Variants in OSTN observed in about 807,000 individuals in gnomAD.
OSTN encodes osteocrin.
In OSTN, 9 loss-of-function variants were observed where a neutral mutation model predicts 12.0. The observed-to-expected ratio is 0.75, with a 90% CI of 0.45 to 1.30. The LOEUF is 1.30. Among genes scored for constraint, OSTN ranks in the 50% most tolerant of loss-of-function variants. OSTN has a pLI of 0.00. For synonymous variants in OSTN, 59 were observed against 56.9 expected, an observed-to-expected ratio of 1.04 and a Z score of -0.16; for missense variants, 148 against 152.3, an observed-to-expected ratio of 0.97 and a Z score of 0.15.
intron 4 of OSTN, among the ~76,000 whole-genome samples, chr3:191,257,680 C>A (rs1470167921): frequency 6.6e-6 from 1 of 152,138 alleles, no homozygotes; most frequent in African/African-American, 2.4e-5. Context: ...TGGCCATAAA[C>A]CTGCCTGATC....
chr3:191,240,461 G>A (rs1715292411), intron 3 of OSTN, among the ~76,000 whole-genome samples: 1 of 152,144 alleles, frequency 6.6e-6, no homozygotes, highest in African/African-American at 2.4e-5. Context: ...ATTGGGTGTG[G>A]TCTCTTCTCT....
Position 191,257,659 on chromosome 3 carries a change from CA to C in OSTN, c.*13-5205del, listed in dbSNP as rs1408551284. On this transcript the variant is annotated intron_variant, in intron 4 of 4. Coordinates refer to ENST00000682035, the MANE Select transcript of OSTN (RefSeq NM_198184.2). ...TTAATCAAGTATCAAAAATATCAAG[CA>C]ACAATTTTTTGGCCATAAACCTGCC... Among the ~76,000 whole-genome samples the C allele has an allele frequency of 3.3e-5, 5 of 152,240 alleles. No individual in the cohort carries two copies. The East Asian group carries it at 5.8e-4, about 18-fold the overall frequency.
chr3:191,256,985 C>T (rs529294936), intron 4 of OSTN, among the ~76,000 whole-genome samples: 21 of 152,038 alleles, frequency 1.4e-4, no homozygotes, highest in African/African-American at 4.1e-4. Context: ...AAATTTGAAA[C>T]GAGCCTTGGC....
chr3:191,214,245 G>T (rs2108591831), intron 2 of OSTN, among the ~76,000 whole-genome samples: 1 of 151,798 alleles, frequency 6.6e-6, no homozygotes, highest in South Asian at 2.1e-4. Flanking sequence ...GTCAAGAGTT[G>T]GAGAAGAGTC....
At chr3:191,259,858 T>C (rs1233678236) in intron 4 of OSTN, among the ~76,000 whole-genome samples, 2 of 149,980 alleles carry the variant, frequency 1.3e-5, no homozygotes, top group Non-Finnish European at 1.5e-5. Context: ...CCTTCTTTTT[T>C]TTTTTTTTTT....
intron 4 of OSTN, among the ~76,000 whole-genome samples, chr3:191,260,509 G>C (rs1479685190): frequency 2.0e-5 from 3 of 152,192 alleles, no homozygotes; most frequent in Non-Finnish European, 4.4e-5. Context: ...CCAGTAATCT[G>C]TGACACCAGG....
chr3:191,236,669 ACTTACT>A (rs1303312507), intron 3 of OSTN, among the ~76,000 whole-genome samples: 2 of 152,136 alleles, frequency 1.3e-5, no homozygotes, highest in African/African-American at 4.8e-5. Context: ...TTAAAGTGAA[ACTTACT>A]CTTAAACTAA....
intron 2 of OSTN, among the ~76,000 whole-genome samples, chr3:191,218,514 T>C (rs894256518): frequency 1.3e-5 from 2 of 152,100 alleles, no homozygotes; most frequent in African/African-American, 2.4e-5. Flanking sequence ...TCCCAGCTAC[T>C]TGGGAAGCCG....
chr3:191,246,546 C>T (rs1715435560), intron 3 of OSTN, among the ~76,000 whole-genome samples: 1 of 147,988 alleles, frequency 6.8e-6, no homozygotes, highest in Admixed American at 6.8e-5. Flanking sequence ...GCGAAGGTTG[C>T]AGAAGCTGAG....
chr3:191,252,084 G>A (rs888860954), intron 4 of OSTN, among the ~76,000 whole-genome samples: 1 of 151,818 alleles, frequency 6.6e-6, no homozygotes, highest in Non-Finnish European at 1.5e-5. Context: ...TTTTTGAGAC[G>A]GAGTCTCACT....
rs1053606942 is a variant in OSTN at position 191,250,083 on chromosome 3, C to T, written c.364C>T (p.Arg122Trp). The change falls in exon 4 of 5, where the codon CGG becomes TGG. Residue 122 changes from arginine (R) to tryptophan (W), a missense_variant. Transcript: ENST00000682035. ...AAGGCGATTTGGTATCCCCATGGATCGGATTGGTAGAAACCGGCTTTCAAA... is the reference window on the plus strand; with the variant it reads ...AAGGCGATTTGGTATCCCCATGGATTGGATTGGTAGAAACCGGCTTTCAAA... ...PKRRFGIPMD[R>W]IGRNRLSNSR... 11 of 1,613,596 alleles carry T rather than the reference C, an allele frequency of 6.8e-6. No individual in the cohort carries two copies. The highest frequency in any genetic ancestry group is 1.7e-5 in the Admixed American group (1 of 60,006).
Position 191,226,947 on chromosome 3 carries a change from G to A in OSTN, c.317+7986G>A, listed in dbSNP as rs187105888. Among the ~76,000 whole-genome samples the A allele has an allele frequency of 3.9e-5, 6 of 152,148 alleles. No homozygotes were observed. In the East Asian group the frequency reaches 1.2e-3, roughly 29 times the overall value. On this transcript the variant is annotated intron_variant, in intron 3 of 4. Coordinates refer to ENST00000682035, the MANE Select transcript of OSTN (RefSeq NM_198184.2). ...GACATTGTTGGAAGTTCTACATAGA[G>A]AAGGAATAGAGAAGCTCTTCTAAAT... is the stretch of plus-strand genomic sequence containing the variant.
chr3:191,249,893 A>C, intron 3 of OSTN, 144 bp from the exon 4 acceptor site: 1 of 616,084 alleles, frequency 1.6e-6, no homozygotes, highest in Non-Finnish European at 2.9e-6. Context: ...AGTGTCTGGC[A>C]CATAGTGAGT....
At chr3:191,213,554 C>A (rs1053576968) in intron 2 of OSTN, among the ~76,000 whole-genome samples, 14 of 151,848 alleles carry the variant, frequency 9.2e-5, no homozygotes, top group Admixed American at 8.5e-4. Flanking sequence ...TGTTTGCATG[C>A]CAAAATTTGA....
intron 4 of OSTN, among the ~76,000 whole-genome samples, chr3:191,260,628 C>T (rs756081781): frequency 6.6e-6 from 1 of 152,096 alleles, no homozygotes; most frequent in East Asian, 1.9e-4. Flanking sequence ...CGCCCCCGAG[C>T]TTGGGAGATT....
chr3:191,262,747 G>T, intron 4 of OSTN, 119 bp from the exon 5 acceptor site: 1 of 602,994 alleles, frequency 1.7e-6, no homozygotes, highest in Admixed American at 2.6e-5. Flanking sequence ...TGTAAATAAA[G>T]GCTATAATGA....
chr3:191,210,052 GC>G (rs1714378897), intron 1 of OSTN, among the ~76,000 whole-genome samples: 1 of 152,190 alleles, frequency 6.6e-6, no homozygotes, highest in Non-Finnish European at 1.5e-5. Context: ...AGTTACACAG[GC>G]CGTACAGGAA....
chr3:191,259,843 T>C (rs1715764168), intron 4 of OSTN, among the ~76,000 whole-genome samples: 1 of 149,422 alleles, frequency 6.7e-6, no homozygotes, highest in East Asian at 1.9e-4. Context: ...GACCCTATTA[T>C]GTATCCTTCT....
intron 1 of OSTN, among the ~76,000 whole-genome samples, chr3:191,204,230 C>T (rs578250747): frequency 1.3e-5 from 2 of 152,172 alleles, no homozygotes; most frequent in Admixed American, 1.3e-4. Context: ...TTAAATTTCT[C>T]AATGTCAGCT....
Sources: gnomAD v4.1 joint callset for allele counts (sites outside exome capture counted in the v4.1 genomes callset) on GRCh38, gnomAD v4.1.1 for gene constraint, MANE v1.5 for transcripts, NCBI Gene and HGNC (gene_info 2026-07-23, HGNC 2026-07-21) for gene names.